MACF1: variants seen among roughly 807,000 people sequenced by gnomAD.
The protein encoded by MACF1 is microtubule actin crosslinking factor 1, also known as microtubule-actin cross-linking factor 1.
Under a neutral mutation model 854.8 loss-of-function variants are expected in MACF1, and 193 were observed. The ratio of observed to expected loss-of-function variants is 0.23; its 90% CI spans 0.20 to 0.25. The LOEUF (loss-of-function observed/expected upper bound fraction) is 0.25, where lower values mean the gene tolerates loss of function less well. Ranked by LOEUF, MACF1 falls within the 10% of genes least tolerant of loss-of-function variation. MACF1 has a pLI of 1.00. For missense variants in MACF1, 7,722 were observed against 8,929.1 expected (o/e 0.86, Z 5.45); for synonymous variants, 3,185 against 3,226.7 (o/e 0.99, Z 0.44).
rs1400388870 is a variant in MACF1 at position 39,332,619 on chromosome 1, C to G, written c.6031C>G (p.Gln2011Glu). 2 of 1,613,894 alleles carry G rather than the reference C, an allele frequency of 1.2e-6. No homozygotes were observed. Among genetic ancestry groups the G allele is most frequent in the Admixed American group, 1.7e-5 (1 of 59,960 alleles). Residue 2011 changes from glutamine (Q) to glutamate (E), a missense_variant, in exon 37 of 101, where the codon CAA becomes GAA. By Grantham distance (29) the Gln-to-Glu change is conservative (BLOSUM62 2). Transcript: ENST00000564288. The part of the protein sequence containing the change: ...SPPKVVEIGH[Q>E]RQKTPEGLQE... Reference sequence around the variant, plus strand: ...TCCAAAAGTGGTTGAAATTGGGCATCAAAGGCAAAAAACTCCTGAGGGATT... The same window carrying G: ...TCCAAAAGTGGTTGAAATTGGGCATGAAAGGCAAAAAACTCCTGAGGGATT...
chr1:39,238,511 T>G (rs1332686997), intron 2 of MACF1, among the ~76,000 whole-genome samples: 1 of 152,224 alleles, frequency 6.6e-6, no homozygotes, highest in Non-Finnish European at 1.5e-5. Context: ...TTTCATACTT[T>G]GTCTCTAACC....
intron 2 of MACF1, among the ~76,000 whole-genome samples, chr1:39,163,090 C>T (rs775002638): frequency 2.6e-5 from 4 of 151,958 alleles, no homozygotes; most frequent in Non-Finnish European, 4.4e-5. Context: ...TGGTGGCTCA[C>T]GCCTGTAATC....
intron 58 of MACF1, among the ~76,000 whole-genome samples, chr1:39,403,762 A>C (rs1215331914): frequency 6.6e-6 from 1 of 151,954 alleles, no homozygotes; most frequent in African/African-American, 2.4e-5. Flanking sequence ...ATAAAGATTT[A>C]GATTTTTTAA....
At position 39,250,984 on chromosome 1, in the gene MACF1, T is replaced by C. The variant is rs947557970; in HGVS notation, c.262-862T>C. Among the ~76,000 whole-genome samples the C allele has an allele frequency of 5.3e-5, 8 of 152,138 alleles. No individual in the cohort carries two copies. In the East Asian group the frequency reaches 7.7e-4, roughly 15 times the overall value. On this transcript the variant is annotated intron_variant, in intron 3 of 100. Transcript: ENST00000564288. ...AATACTGGAAATATCTGTGGAGAAA[T>C]AGAGAACCAAAGAGATGTATAGCTC... is the stretch of plus-strand genomic sequence containing the variant.
At chr1:39,271,700 T>C (rs1212152509) in intron 6 of MACF1, among the ~76,000 whole-genome samples, 2 of 152,214 alleles carry the variant, frequency 1.3e-5, no homozygotes. Flanking sequence ...TGTGTAGTCA[T>C]CATAACATTA....
At chr1:39,359,798 G>A (rs1264936324) in intron 47 of MACF1, among the ~76,000 whole-genome samples, 6 of 150,296 alleles carry the variant, frequency 4.0e-5, no homozygotes, top group East Asian at 2.0e-4. Context: ...ATGAAACCCC[G>A]TCTCTACTAA....
At chr1:39,314,469 G>A (rs948225345) in intron 26 of MACF1, among the ~76,000 whole-genome samples, 15 of 148,770 alleles carry the variant, frequency 1.0e-4, no homozygotes, top group African/African-American at 2.0e-4. Flanking sequence ...ACACACACAC[G>A]TGTTACATAT....
intron 2 of MACF1, among the ~76,000 whole-genome samples, chr1:39,189,039 A>G (rs1644214158): frequency 6.6e-6 from 1 of 152,170 alleles, no homozygotes; most frequent in Non-Finnish European, 1.5e-5. Context: ...TGCCCGGCCC[A>G]TTGTCAGATT....
At chr1:39,349,206 C>T (rs1647125039) in intron 41 of MACF1, among the ~76,000 whole-genome samples, 1 of 152,146 alleles carries the variant, frequency 6.6e-6, no homozygotes, top group Non-Finnish European at 1.5e-5. Flanking sequence ...AAGATAATAA[C>T]AGCAGTCTGG....
intron 2 of MACF1, among the ~76,000 whole-genome samples, chr1:39,101,388 A>ATG (rs140445138): frequency 0.36 from 51,345 of 142,364 alleles, 9,814 homozygotes; most frequent in South Asian, 0.64. Flanking sequence ...ATATATATAT[A>ATG]TGTGTGTGTA....
chr1:39,439,506 A>G lies in MACF1; in HGVS notation c.18447+6A>G, dbSNP rs1261855610. 1 of 1,608,992 alleles carries G rather than the reference A, an allele frequency of 6.2e-7. No homozygotes were observed. The highest frequency in any genetic ancestry group is 8.5e-7 in the Non-Finnish European group (1 of 1,176,036). ...AACAGGTTGAAGCTGCTGAGGTAAG[A>G]AGGAAACAAAACCCTTTTTCTTAGG... On this transcript the variant is annotated splice_donor_region_variant and intron_variant, in intron 72 of 100. Coordinates refer to ENST00000564288, the MANE Select transcript of MACF1 (RefSeq NM_001394062.1).
Position 39,105,327 on chromosome 1 carries a change from C to T in MACF1, c.220+20889C>T, listed in dbSNP as rs6665331. ...TGGCGCTCCTGACAGGAGGAGCCGC[C>T]GCCGCCGCCCGCCGCTGCAGCCGCG... On this transcript the variant is annotated intron_variant, in intron 2 of 93. Coordinates refer to the MACF1 transcript ENST00000361689. This position sits in a 1 kb window ranked among gnomAD's most constrained non-coding sequence, Gnocchi z 5.9. 0.64 allele frequency: 555,826 copies of T among 871,410 alleles called. 179,509 individuals are homozygous for T. Among genetic ancestry groups the T allele is most frequent in the African/African-American group, 0.74 (40,350 of 54,804 alleles). 54.0% of individuals were successfully genotyped at this position (871,410 alleles called of 1,614,324 possible).
rs1371350472 is a variant in MACF1, at chr1:39,442,005, T to C, written c.18726T>C (p.Pro6242=). 2 of 1,614,196 alleles carry C rather than the reference T, an allele frequency of 1.2e-6. No individual in the cohort carries two copies. The highest frequency in any genetic ancestry group is 2.2e-5 in the South Asian group (2 of 91,072). ...NTVIKLCTMP[P]VGTDLNTVKD... Reference sequence around the variant, plus strand: ...TGATTAAACTCTGCACCATGCCCCCTGTTGGCACTGACCTCAATACTGTTA... The same window carrying C: ...TGATTAAACTCTGCACCATGCCCCCCGTTGGCACTGACCTCAATACTGTTA... Residue 6242 remains proline, a synonymous_variant, in exon 75 of 101, where the codon CCT becomes CCC. Coordinates refer to ENST00000564288, the MANE Select transcript of MACF1 (RefSeq NM_001394062.1).
chr1:39,269,281 G>T, intron 6 of MACF1: 1 of 1,289,864 alleles, frequency 7.8e-7, no homozygotes, highest in Non-Finnish European at 1.0e-6. Context: ...ATTCAGCGTG[G>T]GTTTCGGAGC....
At chr1:39,413,944 G>A (rs1643163355) in intron 58 of MACF1, 7 of 1,604,582 alleles carry the variant, frequency 4.4e-6, no homozygotes, top group Admixed American at 1.7e-5. Context: ...CACCTCTGAG[G>A]AGCCTGCCTC....
chr1:39,427,854 G>T (rs773288116), intron 62 of MACF1, 107 bp from the exon 63 acceptor site: 50 of 1,043,488 alleles, frequency 4.8e-5, no homozygotes, highest in Non-Finnish European at 6.4e-5. Context: ...TTCAGTCGGT[G>T]AGTTTTTTAA....
chr1:39,216,991 CA>C (rs1644584680), intron 1 of MACF1, among the ~76,000 whole-genome samples: 1 of 152,160 alleles, frequency 6.6e-6, no homozygotes, highest in Admixed American at 6.5e-5. Context: ...CAACTGGGGA[CA>C]TTGCTTAACC....
chr1:39,176,872 G>A (rs1033319944), intron 2 of MACF1, among the ~76,000 whole-genome samples: 2 of 152,208 alleles, frequency 1.3e-5, no homozygotes, highest in Non-Finnish European at 2.9e-5. Flanking sequence ...ATTGCTTGCT[G>A]TTGAAGCCTT....
rs945326574 is a variant in MACF1, at chr1:39,196,376, A to T, written c.221-34806A>T. On this transcript the variant is annotated intron_variant, in intron 2 of 93. Transcript: ENST00000361689. ...CCTTTGCAAGTTGTCTCAATACCAC[A>T]TTGCCAAACCTTAGAGGCAGAGTCA... Among the ~76,000 whole-genome samples the T allele has an allele frequency of 2.6e-5, 4 of 152,184 alleles. No homozygotes were observed. The East Asian group carries it at 5.8e-4, about 22-fold the overall frequency.
Sources: allele counts gnomAD v4.1 joint callset (sites outside exome capture counted in the v4.1 genomes callset), GRCh38; gene constraint gnomAD v4.1.1; non-coding constraint Gnocchi (gnomAD v3.1); transcripts MANE v1.5; gene names NCBI Gene and HGNC (gene_info 2026-07-23, HGNC 2026-07-21).